Variants in MSRA observed in about 807,000 individuals in gnomAD.
MSRA encodes the protein methionine sulfoxide reductase A.
Under a neutral mutation model 31.3 loss-of-function variants are expected in MSRA, and 54 were observed. The observed-to-expected ratio is 1.73, with a 90% CI of 1.39 to 2.17. The LOEUF is 2.17. Ranked by LOEUF, MSRA falls within the 30% of genes most tolerant of loss-of-function variation. The probability of loss-of-function intolerance (pLI) is 0.00; values close to 1 mark genes in which losing one functional copy is unlikely to be tolerated. For synonymous variants in MSRA, 169 were observed against 116.5 expected (o/e 1.45, Z -2.90); for missense variants, 507 against 300.9 (o/e 1.69, Z -5.07).
At chr8:10,203,507 C>G (rs1037818224) in intron 1 of MSRA, among the ~76,000 whole-genome samples, 3 of 152,180 alleles carry the variant, frequency 2.0e-5, no homozygotes, top group African/African-American at 7.2e-5. Flanking sequence ...TTTTTATCAC[C>G]TAGTGACATT....
At chr8:10,367,288 A>G (rs1262714415) in intron 5 of MSRA, among the ~76,000 whole-genome samples, 1 of 152,250 alleles carries the variant, frequency 6.6e-6, no homozygotes, top group Non-Finnish European at 1.5e-5. Flanking sequence ...GACCACAGTC[A>G]CATAACTTTT....
chr8:10,215,794 T>C (rs138068658), intron 2 of MSRA, among the ~76,000 whole-genome samples: 3 of 152,202 alleles, frequency 2.0e-5, no homozygotes, highest in Non-Finnish European at 4.4e-5. Context: ...TGTGGCTAAT[T>C]TTTTCACTTT....
At chr8:10,094,775 CAG>C (rs1277493661) in intron 1 of MSRA, among the ~76,000 whole-genome samples, 1 of 152,184 alleles carries the variant, frequency 6.6e-6, no homozygotes, top group Non-Finnish European at 1.5e-5. Context: ...TAAAAGCAAA[CAG>C]TACTTATTTA....
intron 5 of MSRA, among the ~76,000 whole-genome samples, chr8:10,381,871 G>T (rs1404933804): frequency 6.6e-6 from 1 of 152,196 alleles, no homozygotes; most frequent in Non-Finnish European, 1.5e-5. Flanking sequence ...TGGGTGATCT[G>T]TTCCCTGCCC....
intron 5 of MSRA, among the ~76,000 whole-genome samples, chr8:10,421,012 A>C (rs544020694): frequency 6.6e-6 from 1 of 152,138 alleles, no homozygotes; most frequent in Admixed American, 6.5e-5. Flanking sequence ...ACAAACCACC[A>C]CCAAAAACCA....
intron 5 of MSRA, among the ~76,000 whole-genome samples, chr8:10,392,712 A>C (rs1806825835): frequency 6.7e-6 from 1 of 149,408 alleles, no homozygotes; most frequent in African/African-American, 2.5e-5. Context: ...TGATATTGGG[A>C]AGGTCAAATT....
At chr8:10,295,366 C>T (rs759901268) in intron 3 of MSRA, among the ~76,000 whole-genome samples, 58 of 152,190 alleles carry the variant, frequency 3.8e-4, no homozygotes, top group South Asian at 8.3e-4. Flanking sequence ...GAAGCCTCTC[C>T]GGAAGGCACA....
intron 3 of MSRA, among the ~76,000 whole-genome samples, chr8:10,289,622 C>T (rs1036275692): frequency 2.0e-5 from 3 of 152,248 alleles, no homozygotes; most frequent in Admixed American, 6.5e-5. Context: ...TCTCATCCAT[C>T]GCATGGAGAG....
chr8:10,320,186 G>A (rs1801968130), intron 5 of MSRA, 197 bp downstream of exon 5: 2 of 407,070 alleles, frequency 4.9e-6, no homozygotes. Flanking sequence ...GAGTAGGCCT[G>A]GGCCAGGGCC....
intron 5 of MSRA, among the ~76,000 whole-genome samples, chr8:10,349,169 A>G (rs1444759387): frequency 6.6e-6 from 1 of 152,244 alleles, no homozygotes; most frequent in Non-Finnish European, 1.5e-5. Context: ...GACAGAATAC[A>G]TTTATTGTTT....
At chr8:10,314,638 A>G (rs1248042724) in intron 4 of MSRA, among the ~76,000 whole-genome samples, 1 of 152,242 alleles carries the variant, frequency 6.6e-6, no homozygotes, top group Non-Finnish European at 1.5e-5. Context: ...TACAGCAACA[A>G]TTCTATTTCT....
chr8:10,259,010 G>C (rs1035080489), intron 3 of MSRA, among the ~76,000 whole-genome samples: 21 of 152,074 alleles, frequency 1.4e-4, no homozygotes, highest in African/African-American at 4.3e-4. Flanking sequence ...GGGAGGCTGA[G>C]GCAGGAGAAT....
intron 1 of MSRA, among the ~76,000 whole-genome samples, chr8:10,168,489 G>C (rs996744402): frequency 6.6e-6 from 1 of 152,170 alleles, no homozygotes; most frequent in Non-Finnish European, 1.5e-5. Flanking sequence ...AAATTTTAGT[G>C]TATAAATGTG....
intron 1 of MSRA, among the ~76,000 whole-genome samples, chr8:10,188,831 C>A (rs1453039980): frequency 2.6e-5 from 4 of 152,142 alleles, no homozygotes; most frequent in Admixed American, 1.3e-4. Context: ...ACTGATAGTT[C>A]CAAATTGTTT....
intron 3 of MSRA, among the ~76,000 whole-genome samples, chr8:10,265,443 C>T (rs1324440890): frequency 1.3e-5 from 2 of 152,130 alleles, no homozygotes; most frequent in Non-Finnish European, 2.9e-5. Flanking sequence ...TAGAGTATTT[C>T]AGCTGAAAGG....
At chr8:10,232,242 T>C (rs939872210) in intron 2 of MSRA, among the ~76,000 whole-genome samples, 1 of 152,238 alleles carries the variant, frequency 6.6e-6, no homozygotes, top group Non-Finnish European at 1.5e-5. Context: ...CATGTTCTAA[T>C]GGGAGCCCAG....
At chr8:10,071,286 G>C (rs1797719307) in intron 1 of MSRA, among the ~76,000 whole-genome samples, 1 of 152,080 alleles carries the variant, frequency 6.6e-6, no homozygotes, top group South Asian at 2.1e-4. Flanking sequence ...GTGCTTGTTT[G>C]TCATTTGTAT....
At chr8:10,289,642 G>C (rs1190919953) in intron 3 of MSRA, among the ~76,000 whole-genome samples, 2 of 152,142 alleles carry the variant, frequency 1.3e-5, no homozygotes, top group African/African-American at 4.8e-5. Context: ...GTTTAGAACA[G>C]TTTTTGAAGA....
At chr8:10,265,455 C>G (rs934825905) in intron 3 of MSRA, among the ~76,000 whole-genome samples, 1 of 152,062 alleles carries the variant, frequency 6.6e-6, no homozygotes. Context: ...GCTGAAAGGG[C>G]CTTTGGAATC....
Sources: allele counts gnomAD v4.1 joint callset (sites outside exome capture counted in the v4.1 genomes callset), GRCh38; gene constraint gnomAD v4.1.1; transcripts MANE v1.5; gene names NCBI Gene and HGNC (gene_info 2026-07-23, HGNC 2026-07-21).